Variants in ZNF841 observed in about 807,000 individuals in gnomAD.
ZNF841 encodes the protein TCONS_00006091.
A neutral mutation model predicts 13.0 loss-of-function variants in ZNF841; 11 were observed. That is an observed-to-expected ratio of 0.85 (90% CI 0.53 to 1.40). The LOEUF is 1.40. ZNF841 is among the 40% of genes most tolerant of loss of function. The probability of loss-of-function intolerance (pLI) is 0.00; values close to 1 mark genes in which losing one functional copy is unlikely to be tolerated. For missense variants in ZNF841, 1,068 were observed against 1,139.5 expected, an observed-to-expected ratio of 0.94 and a Z score of 0.90; for synonymous variants, 369 against 381.6, an observed-to-expected ratio of 0.97 and a Z score of 0.38.
At chr19:52,060,504 G>C (rs1008800440), downstream of ZNF841, among the ~76,000 whole-genome samples, 3 of 151,428 alleles carry the variant, frequency 2.0e-5, no homozygotes, top group Non-Finnish European at 4.4e-5. Context: ...CCTCGTTTTT[G>C]TTTTTCTGAG....
At position 52,066,679 on chromosome 19, in the gene ZNF841, G is replaced by A; in HGVS notation, c.1203C>T (p.Tyr401=). The change falls in exon 7 of 7, where the codon TAC becomes TAT. Residue 401 remains tyrosine (Y), a synonymous_variant. Transcript: ENST00000594440. ...HQTVHTGDKP[Y]KCNECGKTFK... ...AGGTTTTGCCACATTCATTACATTT[G>A]TAGGGTTTGTCTCCAGTATGAACTG... The A allele has an allele frequency of 6.2e-7, 1 of 1,612,132 alleles. No homozygotes were observed. The highest frequency in any genetic ancestry group is 8.5e-7 in the Non-Finnish European group (1 of 1,178,960).
chr19:52,069,436 A>G (rs192255236), intron 6 of ZNF841, among the ~76,000 whole-genome samples: 2 of 152,312 alleles, frequency 1.3e-5, no homozygotes, highest in Admixed American at 1.3e-4. Context: ...CAGAGATTGT[A>G]CTTGGAAAAT....
At position 52,067,035 on chromosome 19, in the gene ZNF841, G is replaced by A. The variant is rs751745590; in HGVS notation, c.847C>T (p.His283Tyr). 9 of 1,613,512 alleles carry A rather than the reference G, an allele frequency of 5.6e-6. No homozygotes were observed. The highest frequency in any genetic ancestry group is 7.6e-6 in the Non-Finnish European group (9 of 1,179,672). ...CATCTGTAAGGTTTCTCTGTAGTAT[G>A]TATCATCTGATGATTAATAAGACTT... The part of the protein sequence containing the change: ...SSSLINHQMI[H>Y]TTEKPYRCNE... The change falls in exon 7 of 7, where the codon CAT becomes TAT. Residue 283 changes from histidine to tyrosine, a missense_variant. Coordinates refer to ENST00000594440, the MANE Select transcript of ZNF841 (RefSeq NM_001136499.2).
At chr19:52,068,751 A>G (rs771896186) in intron 6 of ZNF841, among the ~76,000 whole-genome samples, 4 of 151,640 alleles carry the variant, frequency 2.6e-5, no homozygotes, top group Non-Finnish European at 2.9e-5. Context: ...TGGGCAGATC[A>G]CTTGAGGCCA....
At chr19:52,075,393 T>C (rs2087866212) in intron 6 of ZNF841, among the ~76,000 whole-genome samples, 2 of 152,160 alleles carry the variant, frequency 1.3e-5, no homozygotes, top group Non-Finnish European at 2.9e-5. Context: ...GAGAGGACCT[T>C]TGTGTCAACT....
intron 4 of ZNF841, among the ~76,000 whole-genome samples, chr19:52,083,765 G>GC (rs1941543117): frequency 7.3e-6 from 1 of 137,590 alleles, no homozygotes. Flanking sequence ...GGTATAGATA[G>GC]TAAAAAACTC....
Position 52,066,239 on chromosome 19 carries a change from T to G in ZNF841, c.1643A>C (p.Lys548Thr). The G allele has an allele frequency of 6.2e-7, 1 of 1,614,130 alleles. No homozygotes were observed. The highest frequency in any genetic ancestry group is 8.5e-7 in the Non-Finnish European group (1 of 1,179,990). ...EKPYKCNVCG[K>T]VFNYGGYLSV... is the part of the protein sequence containing the mutation. ...AAGGTATCCACCGTAATTAAAGACC[T>G]TGCCACACACATTACATTTGTAAGG... Residue 548 changes from lysine to threonine, a missense_variant, in exon 7 of 7, where the codon AAG becomes ACG. Lys to Thr is a moderately conservative substitution (Grantham distance 78). Coordinates refer to ENST00000594440, the MANE Select transcript of ZNF841 (RefSeq NM_001136499.2).
intron 4 of ZNF841, among the ~76,000 whole-genome samples, chr19:52,079,996 A>G (rs7253724): frequency 0.027 from 2,338 of 87,510 alleles, 64 homozygotes; most frequent in African/African-American, 0.083. Flanking sequence ...CATCTCAGGG[A>G]AAAAAAAAAA....
At chr19:52,068,549 G>A (rs900836360) in intron 6 of ZNF841, among the ~76,000 whole-genome samples, 2 of 151,768 alleles carry the variant, frequency 1.3e-5, no homozygotes, top group African/African-American at 4.8e-5. Context: ...GGTGGCACGT[G>A]CCTGTAATCC....
chr19:52,079,448 A>C (rs1446402854), intron 4 of ZNF841, among the ~76,000 whole-genome samples: 3 of 151,422 alleles, frequency 2.0e-5, no homozygotes, highest in Non-Finnish European at 4.4e-5. Flanking sequence ...AAAAAAAAAA[A>C]AAAAACCCAA....
chr19:52,084,837 C>A lies in ZNF841; in HGVS notation c.-36G>T. 6.2e-7 allele frequency: 1 copy of A among 1,603,686 alleles called. No homozygotes were observed. The highest frequency in any genetic ancestry group is 8.5e-7 in the Non-Finnish European group (1 of 1,174,492). On this transcript the variant is annotated 5_prime_UTR_variant, in exon 4 of 7. Transcript: ENST00000594440. ...TTTTCTTTCTTCTTTCTCTCCTGGG[C>A]CTCTCTCTCAGTCAATATAATTAAT...
intron 2 of ZNF841, among the ~76,000 whole-genome samples, chr19:52,091,663 C>T (rs1053575807): frequency 6.6e-6 from 1 of 152,160 alleles, no homozygotes; most frequent in African/African-American, 2.4e-5. Context: ...GGACCCTTAT[C>T]TCACACTATA....
At chr19:52,095,355 C>T (rs1375605749) in intron 1 of ZNF841, among the ~76,000 whole-genome samples, 2 of 152,224 alleles carry the variant, frequency 1.3e-5, no homozygotes, top group African/African-American at 4.8e-5. Flanking sequence ...AGTGGGCGCT[C>T]CCCTCCAGGG....
intron 4 of ZNF841, among the ~76,000 whole-genome samples, chr19:52,081,056 G>C (rs2088083829): frequency 6.6e-6 from 1 of 152,220 alleles, no homozygotes; most frequent in Middle Eastern, 3.4e-3. Flanking sequence ...AAAGGAAATG[G>C]GGATCACCCT....
At position 52,066,242 on chromosome 19, in the gene ZNF841, CCA is replaced by C. The variant is rs1180872487; in HGVS notation, c.1638_1639del (p.Cys546TrpfsTer5). 6.2e-7 allele frequency: 1 copy of C among 1,614,096 alleles called. No homozygotes were observed. The highest frequency in any genetic ancestry group is 1.7e-5 in the Admixed American group (1 of 60,018). ...GTATCCACCGTAATTAAAGACCTTG[CCA>C]CACACATTACATTTGTAAGGTTTCT... On this transcript the variant is annotated frameshift_variant, in exon 7 of 7. Transcript: ENST00000594440. LOFTEE classifies it low-confidence loss of function (END_TRUNC).
chr19:52,089,704 T>C (rs956133234), intron 2 of ZNF841, among the ~76,000 whole-genome samples: 3 of 152,150 alleles, frequency 2.0e-5, no homozygotes, highest in African/African-American at 4.8e-5. Context: ...TTCCAAGTGC[T>C]TCTGCCAGAC....
Position 52,067,522 on chromosome 19 carries a change from T to C in ZNF841, c.360A>G (p.Gly120=), listed in dbSNP as rs1192936808. ...AATTTTCAGTGTCATAGCTTTCATG[T>C]CCTTCCAACATCACTGCTTGGAATT... ...GEKFQAVMLE[G]HESYDTENFY... is the part of the protein sequence containing the mutation. The change falls in exon 7 of 7, where the codon GGA becomes GGG. Residue 120 remains glycine (G), a synonymous_variant. Coordinates refer to ENST00000594440, the MANE Select transcript of ZNF841 (RefSeq NM_001136499.2). 6.2e-7 allele frequency: 1 copy of C among 1,600,528 alleles called. No individual in the cohort carries two copies. Among genetic ancestry groups the C allele is most frequent in the Non-Finnish European group, 8.5e-7 (1 of 1,172,886 alleles).
chr19:52,080,947 A>G (rs1037769259), intron 4 of ZNF841, among the ~76,000 whole-genome samples: 2 of 152,238 alleles, frequency 1.3e-5, no homozygotes, highest in African/African-American at 4.8e-5. Flanking sequence ...TAAAACTTAC[A>G]AAGAAATAGG....
chr19:52,079,978 CG>C (rs1437999125), intron 4 of ZNF841, among the ~76,000 whole-genome samples: 2 of 126,430 alleles, frequency 1.6e-5, no homozygotes, highest in Non-Finnish European at 3.2e-5. Flanking sequence ...GCAACAAGAG[CG>C]AAACTCCATC....
Sources: gnomAD v4.1 joint callset for allele counts (sites outside exome capture counted in the v4.1 genomes callset) on GRCh38, gnomAD v4.1.1 for gene constraint, MANE v1.5 for transcripts, NCBI Gene and HGNC (gene_info 2026-07-23, HGNC 2026-07-21) for gene names.